Variants in PASK observed in about 807,000 individuals in gnomAD.
PASK encodes the protein PAS domain containing serine/threonine kinase, also known as PAS domain-containing serine/threonine-protein kinase.
In PASK, 110 loss-of-function variants were observed where a neutral mutation model predicts 121.0. That is an observed-to-expected ratio of 0.91 (90% CI 0.78 to 1.06). PASK has a LOEUF of 1.06. Among genes scored for constraint, PASK ranks in the 50% least tolerant of loss-of-function variants. The pLI is 0.00. For missense variants in PASK, 1,643 were observed against 1,702.3 expected (o/e 0.97, Z 0.61); for synonymous variants, 686 against 717.8 (o/e 0.96, Z 0.71).
At position 241,126,386 on chromosome 2, in the gene PASK, G is replaced by C; in HGVS notation, c.2529C>G (p.Ser843Arg). 1.9e-6 allele frequency: 3 copies of C among 1,614,260 alleles called. No individual in the cohort carries two copies. Among genetic ancestry groups the C allele is most frequent in the Non-Finnish European group, 2.5e-6 (3 of 1,180,052 alleles). ...CCAACGTGGAAGGAACGTGTCCTGG[G>C]CTTTCTCTGTCGCTTGCTGCATAAT... ...SEHYAASDRE[S>R]PGHVPSTLDA... The change falls in exon 10 of 18, where the codon AGC becomes AGG. Residue 843 changes from serine to arginine, a missense_variant. By Grantham distance (110) the Ser-to-Arg change is moderately radical. Transcript: ENST00000234040.
At chr2:241,145,952 A>G (rs2066934579) in intron 1 of PASK, 1 of 151,924 alleles carries the variant, frequency 6.6e-6, no homozygotes, top group African/African-American at 2.4e-5. Context: ...AAAAAAAGAA[A>G]AAAAAAAATG....
intron 14 of PASK, chr2:241,114,738 T>A: frequency 7.2e-7 from 1 of 1,381,460 alleles, no homozygotes; most frequent in Non-Finnish European, 9.3e-7. Flanking sequence ...TCCTAACCCT[T>A]ACTGGTTAAT....
intron 16 of PASK, 148 bp from the exon 17 acceptor site, chr2:241,107,647 T>C: frequency 1.3e-6 from 1 of 746,732 alleles, no homozygotes; most frequent in Non-Finnish European, 2.4e-6. Context: ...CCAGCTGTGC[T>C]TGGACAGAAG....
chr2:241,122,259 T>C (rs185618810), intron 12 of PASK, among the ~76,000 whole-genome samples: 147 of 152,270 alleles, frequency 9.7e-4, no homozygotes, highest in African/African-American at 3.4e-3. Context: ...AAAAATTTTT[T>C]ATAATAAGAG....
chr2:241,135,744 GCCC>G, intron 8 of PASK, 124 bp downstream of exon 8: 1 of 818,214 alleles, frequency 1.2e-6, no homozygotes. Flanking sequence ...CCCCTACTCC[GCCC>G]CCCACCACCC....
rs74000396 is a variant in PASK, at chr2:241,136,972, G to A, written c.1137+32C>T. 18,116 of 1,603,898 alleles carry A rather than the reference G, an allele frequency of 0.011. 1,736 individuals are homozygous for A. The African/African-American group carries it at 0.21, about 19-fold the overall frequency. On this transcript the variant is annotated intron_variant, in intron 7 of 17. Coordinates refer to ENST00000234040, the MANE Select transcript of PASK (RefSeq NM_015148.4). ...CAGAGCACAGCAGCTTCCTCCCAGG[G>A]AACGGGAGCCAGGCGCCCAGGGCAG...
intron 8 of PASK, 26 bp downstream of exon 8, chr2:241,135,845 C>T (rs770847606): frequency 1.3e-5 from 21 of 1,608,152 alleles, no homozygotes; most frequent in Middle Eastern, 1.6e-4. Context: ...GCTACAGGCG[C>T]ATTCAGGAGG....
rs776785850 is a variant in PASK, at chr2:241,126,608, T to C, written c.2307A>G (p.Thr769=). Residue 769 remains threonine, a synonymous_variant, in exon 10 of 18, where the codon ACA becomes ACG. Coordinates refer to ENST00000234040, the MANE Select transcript of PASK (RefSeq NM_015148.4). ...CGGAGCCCACTGCCAAGGAAGAGGG[T>C]GTCTCTCTGAGTTCAGACGTAGCAC... ...CSCATSELRE[T]PSSLAVGSDP... 1.5e-5 allele frequency: 24 copies of C among 1,614,022 alleles called. No homozygotes were observed. In the South Asian group the frequency reaches 1.9e-4, roughly 13 times the overall value.
rs775120867 is a variant in PASK at position 241,127,042 on chromosome 2, C to A, written c.1873G>T (p.Asp625Tyr). Reference sequence around the variant, plus strand: ...ATCCCAGAGGGGCTGGGGGCCAAGTCCTGGCTTCGCCACCACAAGCCCCAT... The same window carrying A: ...ATCCCAGAGGGGCTGGGGGCCAAGTACTGGCTTCGCCACCACAAGCCCCAT... ...SEWGLWWRSQDLAPSPSGMAG... is the reference protein window; with the variant it reads ...SEWGLWWRSQYLAPSPSGMAG... The change falls in exon 10 of 18, where the codon GAC becomes TAC. Residue 625 changes from aspartate to tyrosine, a missense_variant. Physicochemically the swap from Asp to Tyr is radical, Grantham distance 160. Coordinates refer to ENST00000234040, the MANE Select transcript of PASK (RefSeq NM_015148.4). 1 of 1,614,146 alleles carries A rather than the reference C, an allele frequency of 6.2e-7. No homozygotes were observed. Among genetic ancestry groups the A allele is most frequent in the East Asian group, 2.2e-5 (1 of 44,882 alleles).
rs760014042 is a variant in PASK, at chr2:241,127,058, C to T, written c.1857G>A (p.Leu619=). ...HCPCYGSEWG[L]WWRSQDLAPS... is the part of the protein sequence containing the mutation. ...GGGCCAAGTCCTGGCTTCGCCACCA[C>T]AAGCCCCATTCACTCCCATAGCAAG... The change falls in exon 10 of 18, where the codon TTG becomes TTA. Residue 619 remains leucine (L), a synonymous_variant. Coordinates refer to ENST00000234040, the MANE Select transcript of PASK (RefSeq NM_015148.4). The T allele has an allele frequency of 6.8e-6, 11 of 1,614,164 alleles. No individual in the cohort carries two copies. Among genetic ancestry groups the T allele is most frequent in the Non-Finnish European group, 9.3e-6 (11 of 1,180,040 alleles).
In PASK at chr2:241,112,398, G is replaced by A. The variant is rs1376873916; in HGVS notation, c.3375C>T (p.Ile1125=). The A allele has an allele frequency of 1.2e-6, 2 of 1,613,664 alleles. No individual in the cohort carries two copies. Among genetic ancestry groups the A allele is most frequent in the Non-Finnish European group, 1.7e-6 (2 of 1,179,802 alleles). ...TGTTCTCATCCTTGATGTCACGGTGGATGATGTCCTTCAAGCGCAGGTATC... is the reference window on the plus strand; with the variant it reads ...TGTTCTCATCCTTGATGTCACGGTGAATGATGTCCTTCAAGCGCAGGTATC... ...AVGYLRLKDI[I]HRDIKDENIV... The change falls in exon 15 of 18, where the codon ATC becomes ATT. Residue 1125 remains isoleucine (I), a synonymous_variant. Transcript: ENST00000234040. This position sits in a 1 kb window ranked among gnomAD's most constrained non-coding sequence, Gnocchi z 5.2.
Position 241,126,323 on chromosome 2 carries a change from C to T in PASK, c.2592G>A (p.Glu864=). The change falls in exon 10 of 18, where the codon GAG becomes GAA. Residue 864 remains glutamate, a synonymous_variant. Coordinates refer to ENST00000234040, the MANE Select transcript of PASK (RefSeq NM_015148.4). The part of the protein sequence containing the change: ...GPEDTCPSAE[E]PRLNVQVTST... Reference sequence around the variant, plus strand: ...AGGTGACCTGGACGTTCAGCCTTGGCTCCTCTGCTGATGGGCACGTGTCCT... The same window carrying T: ...AGGTGACCTGGACGTTCAGCCTTGGTTCCTCTGCTGATGGGCACGTGTCCT... 1.2e-6 allele frequency: 2 copies of T among 1,614,230 alleles called. No individual in the cohort carries two copies. Among genetic ancestry groups the T allele is most frequent in the South Asian group, 2.2e-5 (2 of 91,090 alleles).
chr2:241,138,460 G>A (rs2066546657), intron 5 of PASK, among the ~76,000 whole-genome samples, 194 bp downstream of exon 5: 2 of 152,240 alleles, frequency 1.3e-5, no homozygotes, highest in South Asian at 4.1e-4. Context: ...GTTCACAGGT[G>A]AGGAACTGAA....
chr2:241,115,198 G>C, intron 13 of PASK, 21 bp from the exon 14 acceptor site: 1 of 1,614,072 alleles, frequency 6.2e-7, no homozygotes, highest in African/African-American at 1.3e-5. Flanking sequence ...ACAAAGCCAA[G>C]TCCAACTCTA....
At chr2:241,126,038 T>A (rs73112171) in intron 10 of PASK, among the ~76,000 whole-genome samples, 158 bp downstream of exon 10, 11,765 of 152,256 alleles carry the variant, frequency 0.077, 1,522 homozygotes, top group African/African-American at 0.27. Flanking sequence ...CTTAATTTTC[T>A]AGGGGTGGAT....
chr2:241,134,794 G>C (rs2066329542), intron 8 of PASK: 1 of 130,938 alleles, frequency 7.6e-6, no homozygotes, highest in African/African-American at 2.5e-5. Flanking sequence ...ATAGAACAGA[G>C]ACCCCCCCAC....
intron 5 of PASK, 33 bp downstream of exon 5, chr2:241,138,621 T>A (rs1056869863): frequency 2.5e-6 from 4 of 1,612,922 alleles, no homozygotes; most frequent in Non-Finnish European, 3.4e-6. Context: ...GGCTCCAGCG[T>A]CCATGAGACA....
At chr2:241,136,908 G>A (rs1329070261) in intron 7 of PASK, 96 bp downstream of exon 7, 5 of 1,171,712 alleles carry the variant, frequency 4.3e-6, no homozygotes, top group Non-Finnish European at 6.3e-6. Context: ...TGGAGAGCTT[G>A]CCGGGTGCGA....
At chr2:241,118,857 A>G in intron 12 of PASK, 1 of 890,626 alleles carries the variant, frequency 1.1e-6, no homozygotes, top group Non-Finnish European at 1.4e-6. Context: ...GGTGGAGGCC[A>G]TGATGGGGCA....
Sources: gnomAD v4.1 joint callset for allele counts (sites outside exome capture counted in the v4.1 genomes callset) on GRCh38, gnomAD v4.1.1 for gene constraint, Gnocchi (gnomAD v3.1) non-coding constraint, MANE v1.5 for transcripts, NCBI Gene and HGNC (gene_info 2026-07-23, HGNC 2026-07-21) for gene names.